The following CELSR1 variants were observed in gnomAD, a reference collection of about 807,000 sequenced individuals.
The protein encoded by CELSR1 is adhesion G protein-coupled receptor C1.
In CELSR1, 110 loss-of-function variants were observed where a neutral mutation model predicts 249.1. The ratio of observed to expected loss-of-function variants is 0.44; its 90% CI spans 0.38 to 0.52. The LOEUF (loss-of-function observed/expected upper bound fraction) is 0.52. Among genes scored for constraint, CELSR1 ranks in the 20% least tolerant of loss-of-function variants. The pLI is 0.00. For synonymous variants in CELSR1, 2,113 were observed against 1,900.0 expected (o/e 1.11, Z -2.92); for missense variants, 4,109 against 4,296.4 (o/e 0.96, Z 1.22).
At chr22:46,404,307 G>T (rs138143208) in intron 9 of CELSR1, among the ~76,000 whole-genome samples, 1,869 of 152,150 alleles carry the variant, frequency 0.012, 42 homozygotes, top group Middle Eastern at 0.045. Flanking sequence ...AGCTACTCGG[G>T]AGGCTGAGGT....
At chr22:46,442,349 G>T (rs2079761215) in intron 2 of CELSR1, among the ~76,000 whole-genome samples, 1 of 152,220 alleles carries the variant, frequency 6.6e-6, no homozygotes, top group Admixed American at 6.5e-5. Context: ...AATGGGTCAG[G>T]GTGGACACAG....
rs547364088 is a variant in CELSR1 at position 46,524,389 on chromosome 22, C to T, written c.3544+9238G>A. Among the ~76,000 whole-genome samples, 58 of 152,306 alleles carry T rather than the reference C, an allele frequency of 3.8e-4. 1 individual carries two copies. The highest frequency in any genetic ancestry group is 1.3e-3 in the African/African-American group (56 of 41,558). On this transcript the variant is annotated intron_variant, in intron 1 of 34. Coordinates refer to ENST00000674500, the MANE Select transcript of CELSR1 (RefSeq NM_001378328.1). ...TGTGCTTGGGACACGCGTAAGCCTCCAAACAAGGCCCGCAGCTCTGAGGGA... is the reference window on the plus strand; with the variant it reads ...TGTGCTTGGGACACGCGTAAGCCTCTAAACAAGGCCCGCAGCTCTGAGGGA...
rs989254574 is a variant in CELSR1, at chr22:46,517,390, G to A, written c.3544+16237C>T. Among the ~76,000 whole-genome samples, 21 of 152,344 alleles carry A rather than the reference G, an allele frequency of 1.4e-4. No homozygotes were observed. Among genetic ancestry groups the A allele is most frequent in the Non-Finnish European group, 2.6e-4 (18 of 68,030 alleles). On this transcript the variant is annotated intron_variant, in intron 1 of 34. Coordinates refer to ENST00000674500, the MANE Select transcript of CELSR1 (RefSeq NM_001378328.1). This position sits in a 1 kb window ranked among gnomAD's most constrained non-coding sequence, Gnocchi z 5.4. ...CCAAAGCCACCGGTTTCCTGCCTAC[G>A]GGGTCATCCCGGCCTGGTTTTCCCC...
chr22:46,384,759 C>G, intron 19 of CELSR1, 73 bp from the exon 20 acceptor site: 1 of 1,455,072 alleles, frequency 6.9e-7, no homozygotes, highest in Non-Finnish European at 9.3e-7. Context: ...TCAAAATGAC[C>G]ACAACTGTCA....
In CELSR1 at chr22:46,447,782, G is replaced by A. The variant is rs1383821031; in HGVS notation, c.4184-8371C>T. Among the ~76,000 whole-genome samples the A allele has an allele frequency of 2.0e-5, 3 of 152,280 alleles. No individual in the cohort carries two copies. The highest frequency in any genetic ancestry group is 7.2e-5 in the African/African-American group (3 of 41,572). On this transcript the variant is annotated intron_variant, in intron 2 of 34. Coordinates refer to ENST00000674500, the MANE Select transcript of CELSR1 (RefSeq NM_001378328.1). This position sits in a 1 kb window ranked among gnomAD's most constrained non-coding sequence, Gnocchi z 4.7. ...TTACAGGTGCACACCACCACACCTG[G>A]CTAATTTTTGTATTTTAAGTAGAGA...
At chr22:46,386,918 C>T (rs1179313487) in intron 18 of CELSR1, among the ~76,000 whole-genome samples, 2 of 152,064 alleles carry the variant, frequency 1.3e-5, no homozygotes, top group Admixed American at 6.6e-5. Flanking sequence ...CCACCACACC[C>T]GGCTAATTTT....
chr22:46,524,063 G>A (rs1025024924), intron 1 of CELSR1, among the ~76,000 whole-genome samples: 1 of 152,234 alleles, frequency 6.6e-6, no homozygotes, highest in Non-Finnish European at 1.5e-5. Context: ...CTGTGCCCCA[G>A]GGCCTCGCCA....
chr22:46,416,937 G>A (rs1243800440), intron 5 of CELSR1, among the ~76,000 whole-genome samples: 3 of 126,196 alleles, frequency 2.4e-5, no homozygotes, highest in South Asian at 2.9e-4. Flanking sequence ...GTGGGGGTAC[G>A]GTTTCAATGC....
chr22:46,382,197 T>A, intron 20 of CELSR1, 147 bp from the exon 21 acceptor site: 1 of 715,244 alleles, frequency 1.4e-6, no homozygotes. Flanking sequence ...AAAACAGGAC[T>A]TATCACATGA....
chr22:46,385,086 C>G (rs1180610238), intron 19 of CELSR1, among the ~76,000 whole-genome samples: 1 of 151,636 alleles, frequency 6.6e-6, no homozygotes, highest in Non-Finnish European at 1.5e-5. Context: ...GCCACCACGC[C>G]CAGCCTATTT....
rs1053896089 is a variant in CELSR1, at chr22:46,488,931, T to C, written c.3545-24586A>G. Among the ~76,000 whole-genome samples the C allele has an allele frequency of 1.3e-5, 2 of 151,514 alleles. No individual in the cohort carries two copies. Among genetic ancestry groups the C allele is most frequent in the African/African-American group, 4.9e-5 (2 of 41,182 alleles). On this transcript the variant is annotated intron_variant, in intron 1 of 34. Coordinates refer to ENST00000674500, the MANE Select transcript of CELSR1 (RefSeq NM_001378328.1). The surrounding 1 kb of genome is among the most constrained non-coding windows in gnomAD (Gnocchi z 4.7). The stretch of plus-strand genomic sequence containing the variant: ...GCCTCGGCTTCCCAAAGTGTTGGGA[T>C]TACAGGCGGAAGCCACCACGCCCAG...
In CELSR1 at chr22:46,391,879, G is replaced by A. The variant is rs561913948; in HGVS notation, c.5965-63C>T. 24 of 1,526,902 alleles carry A rather than the reference G, an allele frequency of 1.6e-5. No homozygotes were observed. Among genetic ancestry groups the A allele is most frequent in the African/African-American group, 5.6e-5 (4 of 71,592 alleles). 94.6% of individuals were successfully genotyped at this position (1,526,902 alleles called of 1,614,324 possible). ...CCCGGGAGAGGCCCTACCTTGCAGC[G>A]TGTTTCCCGAGCGACGTCCAGACTC... is the stretch of plus-strand genomic sequence containing the variant. On this transcript the variant is annotated intron_variant, in intron 14 of 34. Transcript: ENST00000674500. The surrounding 1 kb of genome is among the most constrained non-coding windows in gnomAD (Gnocchi z 4.3).
intron 1 of CELSR1, among the ~76,000 whole-genome samples, chr22:46,509,131 G>A (rs2080546208): frequency 6.6e-6 from 1 of 152,214 alleles, no homozygotes; most frequent in African/African-American, 2.4e-5. Context: ...ACTGAGTGAG[G>A]GGCTGGGGGG....
Position 46,537,189 on chromosome 22 carries a change from G to C in CELSR1, c.-19C>G. On this transcript the variant is annotated 5_prime_UTR_variant, in exon 1 of 35. Transcript: ENST00000674500. This position sits in a 1 kb window ranked among gnomAD's most constrained non-coding sequence, Gnocchi z 5.8. ...GCGCCATGGCCCGGAGCCCGAGCCCGAGCCGGGCGCCCGAACACAATCCAT... is the reference window on the plus strand; with the variant it reads ...GCGCCATGGCCCGGAGCCCGAGCCCCAGCCGGGCGCCCGAACACAATCCAT... 1 of 1,018,524 alleles carries C rather than the reference G, an allele frequency of 9.8e-7. No individual in the cohort carries two copies. Among genetic ancestry groups the C allele is most frequent in the Non-Finnish European group, 1.2e-6 (1 of 853,544 alleles). 63.1% of individuals were successfully genotyped at this position (1,018,524 alleles called of 1,614,324 possible).
Position 46,411,590 on chromosome 22 carries a change from T to C in CELSR1, c.4769+12A>G, listed in dbSNP as rs867391662. 1.9e-6 allele frequency: 3 copies of C among 1,613,986 alleles called. No homozygotes were observed. Among genetic ancestry groups the C allele is most frequent in the Middle Eastern group, 3.3e-4 (2 of 6,060 alleles). On this transcript the variant is annotated intron_variant, in intron 6 of 34. Coordinates refer to ENST00000674500, the MANE Select transcript of CELSR1 (RefSeq NM_001378328.1). This position sits in a 1 kb window ranked among gnomAD's most constrained non-coding sequence, Gnocchi z 4.2. The stretch of plus-strand genomic sequence containing the variant: ...TACGGACCCCCAGGGCCTCCCCTCC[T>C]GGGATGCTCACTTCTTGGAGCCGGT...
intron 9 of CELSR1, among the ~76,000 whole-genome samples, chr22:46,405,942 G>C (rs891653239): frequency 6.6e-6 from 1 of 152,126 alleles, no homozygotes; most frequent in African/African-American, 2.4e-5. Context: ...GGTGCCCAGT[G>C]GGGTCTGCAG....
chr22:46,404,458 C>T (rs1233766217), intron 9 of CELSR1, among the ~76,000 whole-genome samples: 2 of 152,040 alleles, frequency 1.3e-5, no homozygotes, highest in Non-Finnish European at 2.9e-5. Context: ...TACATGCTTG[C>T]TAACCTAGAA....
At chr22:46,520,559 C>G (rs554685814) in intron 1 of CELSR1, among the ~76,000 whole-genome samples, 3 of 152,280 alleles carry the variant, frequency 2.0e-5, no homozygotes, top group Admixed American at 2.0e-4. Flanking sequence ...CTCCCCAGTT[C>G]AAGCAATTCT....
chr22:46,432,624 C>T (rs1048162866), intron 5 of CELSR1, among the ~76,000 whole-genome samples: 45 of 152,340 alleles, frequency 3.0e-4, no homozygotes, highest in African/African-American at 1.1e-3. Context: ...TACAAGCCAA[C>T]GAACAGCAAA....
Sources: allele counts gnomAD v4.1 joint callset (sites outside exome capture counted in the v4.1 genomes callset), GRCh38; gene constraint gnomAD v4.1.1; non-coding constraint Gnocchi (gnomAD v3.1); transcripts MANE v1.5; gene names NCBI Gene and HGNC (gene_info 2026-07-23, HGNC 2026-07-21).